EXOC4: variants seen among roughly 807,000 people sequenced by gnomAD.
EXOC4 encodes exocyst complex component 4, also known as SEC8-like 1.
In EXOC4, 71 loss-of-function variants were observed where a neutral mutation model predicts 107.2. The observed-to-expected ratio is 0.66, with a 90% CI of 0.55 to 0.81. The LOEUF (loss-of-function observed/expected upper bound fraction) is 0.81. Ranked by LOEUF, EXOC4 falls within the 30% of genes least tolerant of loss-of-function variation. EXOC4 has a pLI of 0.00. For synonymous variants in EXOC4, 456 were observed against 441.2 expected (o/e 1.03, Z -0.42); for missense variants, 1,108 against 1,189.6 (o/e 0.93, Z 1.01).
chr7:133,589,777 T>C (rs1286202281), intron 9 of EXOC4, among the ~76,000 whole-genome samples: 1 of 152,214 alleles, frequency 6.6e-6, no homozygotes, highest in Non-Finnish European at 1.5e-5. Flanking sequence ...GCCGTAGGCA[T>C]CATCCTCAAG....
chr7:133,272,388 C>A (rs749522297), intron 1 of EXOC4, among the ~76,000 whole-genome samples: 2 of 152,014 alleles, frequency 1.3e-5, no homozygotes, highest in Admixed American at 1.3e-4. Context: ...ATTAATTCAA[C>A]GTCTTTAAAT....
chr7:133,688,387 G>A (rs1423341398), intron 10 of EXOC4, among the ~76,000 whole-genome samples: 1 of 152,104 alleles, frequency 6.6e-6, no homozygotes, highest in Non-Finnish European at 1.5e-5. Flanking sequence ...AGTAATAGCG[G>A]TAAAGCAGTA....
chr7:134,036,123 A>T (rs1326598598), intron 17 of EXOC4, among the ~76,000 whole-genome samples: 1 of 152,242 alleles, frequency 6.6e-6, no homozygotes, highest in Non-Finnish European at 1.5e-5. Context: ...AAGTGTTCAT[A>T]CCAGTAGACC....
intron 10 of EXOC4, among the ~76,000 whole-genome samples, chr7:133,700,499 A>G (rs190512251): frequency 5.9e-5 from 9 of 152,290 alleles, no homozygotes; most frequent in African/African-American, 2.2e-4. Context: ...ACAAATTCCA[A>G]AATTGCAGGA....
chr7:133,316,422 C>A (rs1794991971), intron 4 of EXOC4, among the ~76,000 whole-genome samples: 1 of 152,156 alleles, frequency 6.6e-6, no homozygotes, highest in Admixed American at 6.5e-5. Context: ...TTGGATTTGG[C>A]TTCGAGGGGC....
intron 17 of EXOC4, among the ~76,000 whole-genome samples, chr7:134,026,997 A>G (rs1044396920): frequency 4.6e-5 from 7 of 152,020 alleles, no homozygotes; most frequent in Non-Finnish European, 1.0e-4. Flanking sequence ...TTCCAAAAAG[A>G]TTTTTTTTAA....
intron 11 of EXOC4, among the ~76,000 whole-genome samples, chr7:133,849,889 T>C (rs530988367): frequency 6.6e-6 from 1 of 152,334 alleles, no homozygotes; most frequent in South Asian, 2.1e-4. Flanking sequence ...TCATTTTCTT[T>C]CTTTTGGTCA....
At chr7:133,946,636 T>C (rs1280233976) in intron 14 of EXOC4, among the ~76,000 whole-genome samples, 1 of 152,226 alleles carries the variant, frequency 6.6e-6, no homozygotes, top group Non-Finnish European at 1.5e-5. Context: ...CTTAGCGTGT[T>C]CACCTGATTA....
intron 1 of EXOC4, among the ~76,000 whole-genome samples, chr7:133,267,792 A>G (rs1247350006): frequency 2.0e-5 from 3 of 152,194 alleles, no homozygotes; most frequent in South Asian, 4.1e-4. Flanking sequence ...ATTTCATGTG[A>G]GACAATTTAG....
intron 5 of EXOC4, among the ~76,000 whole-genome samples, chr7:133,356,030 A>G (rs1796013016): frequency 6.6e-6 from 1 of 152,156 alleles, no homozygotes; most frequent in Non-Finnish European, 1.5e-5. Context: ...TGCCTAATAA[A>G]TGTCATGAGC....
intron 11 of EXOC4, among the ~76,000 whole-genome samples, chr7:133,841,970 A>G (rs371766496): frequency 3.9e-5 from 6 of 152,188 alleles, no homozygotes; most frequent in Non-Finnish European, 7.3e-5. Context: ...GGCTCCATCC[A>G]TGTTGCTGCA....
chr7:133,945,823 CTT>C (rs1396170735), intron 14 of EXOC4, among the ~76,000 whole-genome samples: 7 of 152,164 alleles, frequency 4.6e-5, no homozygotes, highest in African/African-American at 1.7e-4. Flanking sequence ...ATCATGGACT[CTT>C]TGTGCCTTAA....
chr7:133,699,504 G>T (rs553721768), intron 10 of EXOC4, among the ~76,000 whole-genome samples: 23 of 152,168 alleles, frequency 1.5e-4, no homozygotes, highest in Non-Finnish European at 2.9e-4. Context: ...TACAGTAGTT[G>T]TTTAGCATCA....
chr7:133,306,422 G>C (rs1011926132), intron 4 of EXOC4, among the ~76,000 whole-genome samples: 2 of 152,148 alleles, frequency 1.3e-5, no homozygotes, highest in African/African-American at 4.8e-5. Flanking sequence ...TATTGGCTGG[G>C]TGCAGTGGCT....
intron 5 of EXOC4, among the ~76,000 whole-genome samples, chr7:133,346,963 T>G (rs2150637027): frequency 1.3e-5 from 2 of 152,260 alleles, no homozygotes; most frequent in South Asian, 4.1e-4. Flanking sequence ...GGGCCCTTAT[T>G]TTCTGGGGTT....
At position 133,810,596 on chromosome 7, in the gene EXOC4, C is replaced by CTTTATTTTATTTTATTTTAT. The variant is rs60838740; in HGVS notation, c.1515-6695_1515-6676dup. ...TTTAGACGATAAGATCCATGCTTTG[C>CTTTATTTTATTTTATTTTAT]TTTATTTTATTTTATTTTATTTTAT... On this transcript the variant is annotated intron_variant, in intron 10 of 17. Transcript: ENST00000253861. Among the ~76,000 whole-genome samples the CTTTATTTTATTTTATTTTAT allele has an allele frequency of 9.7e-4, 101 of 103,874 alleles. 1 individual carries two copies. Among genetic ancestry groups the CTTTATTTTATTTTATTTTAT allele is most frequent in the African/African-American group, 3.3e-3 (97 of 29,480 alleles). The allele number at this position is 103,874 out of a possible 152,430, so 68.1% of individuals were successfully genotyped here.
chr7:133,470,864 A>C (rs566512301), intron 7 of EXOC4, among the ~76,000 whole-genome samples: 1 of 152,190 alleles, frequency 6.6e-6, no homozygotes, highest in Non-Finnish European at 1.5e-5. Context: ...TCTTCACGCA[A>C]ATGTTAATCA....
chr7:133,885,532 G>A (rs959716227), intron 11 of EXOC4, among the ~76,000 whole-genome samples: 2 of 152,178 alleles, frequency 1.3e-5, no homozygotes, highest in African/African-American at 4.8e-5. Context: ...CACAGTCACT[G>A]ATCAACAGGA....
chr7:133,857,057 A>T (rs1206240844), intron 11 of EXOC4, among the ~76,000 whole-genome samples: 1 of 141,042 alleles, frequency 7.1e-6, no homozygotes, highest in Non-Finnish European at 1.5e-5. Flanking sequence ...AGATCACGCC[A>T]CTGCACTCCA....
Sources: allele counts gnomAD v4.1 joint callset (sites outside exome capture counted in the v4.1 genomes callset), GRCh38; gene constraint gnomAD v4.1.1; transcripts MANE v1.5; gene names NCBI Gene and HGNC (gene_info 2026-07-23, HGNC 2026-07-21).